The following SUPT3H variants were observed in gnomAD, a reference collection of about 807,000 sequenced individuals.
SUPT3H encodes the protein SPT3 homolog, SAGA and STAGA complex component, also known as transcription initiation protein SPT3 homolog.
A neutral mutation model predicts 44.3 loss-of-function variants in SUPT3H; 44 were observed. That is an observed-to-expected ratio of 0.99 (90% CI 0.78 to 1.28). SUPT3H has a LOEUF of 1.28. SUPT3H is among the 50% of genes most tolerant of loss of function. The pLI is 0.00. For synonymous variants in SUPT3H, 124 were observed against 125.6 expected, an observed-to-expected ratio of 0.99 and a Z score of 0.09; for missense variants, 380 against 387.1, an observed-to-expected ratio of 0.98 and a Z score of 0.15.
At chr6:45,209,254 C>T (rs111295874) in intron 2 of SUPT3H, among the ~76,000 whole-genome samples, 10 of 152,140 alleles carry the variant, frequency 6.6e-5, no homozygotes, top group Non-Finnish European at 1.2e-4. Context: ...GCTCAACTTT[C>T]GAAATCTATT....
intron 2 of SUPT3H, among the ~76,000 whole-genome samples, chr6:45,168,246 T>A (rs1810223381): frequency 6.6e-6 from 1 of 152,212 alleles, no homozygotes; most frequent in African/African-American, 2.4e-5. Context: ...TCTCACAATT[T>A]ATGCTAGGAT....
chr6:45,173,116 C>T (rs1748234), intron 2 of SUPT3H, among the ~76,000 whole-genome samples: 93,266 of 151,900 alleles, frequency 0.61, 29,143 homozygotes, highest in African/African-American at 0.74. Context: ...AAGAACTCTA[C>T]TGGTAAATTC....
intron 3 of SUPT3H, among the ~76,000 whole-genome samples, chr6:45,083,295 G>A (rs934521013): frequency 1.6e-4 from 24 of 151,726 alleles, no homozygotes; most frequent in African/African-American, 4.8e-4. Context: ...AGGTTCAAGC[G>A]ATTCTCTTAC....
At chr6:45,204,436 T>C (rs935861539) in intron 2 of SUPT3H, among the ~76,000 whole-genome samples, 4 of 152,102 alleles carry the variant, frequency 2.6e-5, no homozygotes, top group African/African-American at 7.2e-5. Flanking sequence ...GTTCACCAAA[T>C]ACTGGATCTA....
intron 6 of SUPT3H, among the ~76,000 whole-genome samples, chr6:44,970,895 A>G (rs961924341): frequency 1.3e-5 from 2 of 152,184 alleles, no homozygotes; most frequent in African/African-American, 2.4e-5. Context: ...GGCAAGATCA[A>G]ATTCTCAAGT....
intron 2 of SUPT3H, among the ~76,000 whole-genome samples, chr6:45,142,675 G>T (rs1805408829): frequency 7.7e-6 from 1 of 130,132 alleles, no homozygotes; most frequent in African/African-American, 2.8e-5. Context: ...GGCGGAAGTT[G>T]CAGTGAGCAG....
chr6:44,904,382 A>T (rs544597880), intron 10 of SUPT3H, among the ~76,000 whole-genome samples: 4 of 151,730 alleles, frequency 2.6e-5, no homozygotes, highest in South Asian at 2.1e-4. Flanking sequence ...ATAACAGACA[A>T]ACAGAGAGCC....
At chr6:45,176,463 G>C (rs1811891198) in intron 2 of SUPT3H, among the ~76,000 whole-genome samples, 1 of 152,262 alleles carries the variant, frequency 6.6e-6, no homozygotes, top group African/African-American at 2.4e-5. Flanking sequence ...ACAGCAGTCT[G>C]AGATCAAACT....
intron 2 of SUPT3H, among the ~76,000 whole-genome samples, chr6:45,301,795 G>C (rs954672931): frequency 1.3e-5 from 2 of 152,112 alleles, no homozygotes; most frequent in African/African-American, 4.8e-5. Flanking sequence ...GCTGTACTTT[G>C]TTTTAATATA....
At chr6:45,140,657 C>T (rs1805029140) in intron 2 of SUPT3H, among the ~76,000 whole-genome samples, 1 of 151,980 alleles carries the variant, frequency 6.6e-6, no homozygotes, top group African/African-American at 2.4e-5. Context: ...AAATCACTCC[C>T]CTGCCACCTC....
intron 2 of SUPT3H, among the ~76,000 whole-genome samples, chr6:45,213,129 T>C (rs1365688525): frequency 1.3e-5 from 2 of 152,184 alleles, no homozygotes; most frequent in Non-Finnish European, 2.9e-5. Flanking sequence ...GCATATATCC[T>C]GAAGAGTGAC....
At chr6:45,166,477 C>T (rs1324605473) in intron 2 of SUPT3H, among the ~76,000 whole-genome samples, 4 of 150,416 alleles carry the variant, frequency 2.7e-5, no homozygotes, top group East Asian at 2.0e-4. Flanking sequence ...CCCAGCTACT[C>T]GGGAGGCTGA....
chr6:44,840,568 T>G (rs1770776069), intron 10 of SUPT3H, among the ~76,000 whole-genome samples: 1 of 152,234 alleles, frequency 6.6e-6, no homozygotes, highest in Admixed American at 6.5e-5. Flanking sequence ...AAGAAACTCC[T>G]ACTCGGGTGT....
intron 2 of SUPT3H, among the ~76,000 whole-genome samples, chr6:45,107,788 T>G (rs992261532): frequency 6.6e-6 from 1 of 152,128 alleles, no homozygotes; most frequent in African/African-American, 2.4e-5. Flanking sequence ...TCATCAAGAA[T>G]GAGAGTGAGC....
chr6:44,875,325 C>T (rs1482484794), intron 10 of SUPT3H, among the ~76,000 whole-genome samples: 1 of 62,920 alleles, frequency 1.6e-5, no homozygotes, highest in East Asian at 4.7e-4. Context: ...TGGAACAGAA[C>T]AGAGCCCTCA....
chr6:44,825,366 A>C (rs1767663583), downstream of SUPT3H, among the ~76,000 whole-genome samples: 1 of 152,178 alleles, frequency 6.6e-6, no homozygotes, highest in South Asian at 2.1e-4. Flanking sequence ...TCTGGTTCTG[A>C]GAAGTGCTTC....
intron 2 of SUPT3H, among the ~76,000 whole-genome samples, chr6:45,295,416 T>G (rs146802607): frequency 1.3e-5 from 2 of 150,596 alleles, no homozygotes; most frequent in Non-Finnish European, 2.9e-5. Flanking sequence ...AAAACCTTTC[T>G]AGACATTGGC....
At chr6:45,291,212 G>A (rs189382102) in intron 2 of SUPT3H, among the ~76,000 whole-genome samples, 25 of 152,238 alleles carry the variant, frequency 1.6e-4, no homozygotes, top group Non-Finnish European at 2.5e-4. Context: ...ACTACAACTC[G>A]GCTCCCAGGA....
At position 44,829,565 on chromosome 6, in the gene SUPT3H, T is replaced by C; in HGVS notation, c.*251A>G. Reference sequence around the variant, plus strand: ...AAATTAAAATTTCAAAACTGTGTGATCTGCATTCTTGTCCACCTACAGACT... The same window carrying C: ...AAATTAAAATTTCAAAACTGTGTGACCTGCATTCTTGTCCACCTACAGACT... On this transcript the variant is annotated 3_prime_UTR_variant, in exon 11 of 11. Transcript: ENST00000371459. 2 of 397,488 alleles carry C rather than the reference T, an allele frequency of 5.0e-6. No homozygotes were observed. Among genetic ancestry groups the C allele is most frequent in the Admixed American group, 4.4e-5 (1 of 22,756 alleles). The allele number at this position is 397,488 out of a possible 1,614,324, so 24.6% of individuals were successfully genotyped here. A position where few individuals can be genotyped will look rare whatever the true frequency, so the allele number is the denominator to read the frequency against.
Sources: gnomAD v4.1 joint callset for allele counts (sites outside exome capture counted in the v4.1 genomes callset) on GRCh38, gnomAD v4.1.1 for gene constraint, MANE v1.5 for transcripts, NCBI Gene and HGNC (gene_info 2026-07-23, HGNC 2026-07-21) for gene names.